The following KHK variants were observed in gnomAD, a reference collection of about 807,000 sequenced individuals.
KHK encodes the protein fructokinase.
A neutral mutation model predicts 36.0 loss-of-function variants in KHK; 37 were observed. The ratio of observed to expected loss-of-function variants is 1.03; its 90% CI spans 0.79 to 1.35. KHK has a LOEUF of 1.35. Among genes scored for constraint, KHK ranks in the 40% most tolerant of loss-of-function variants. KHK has a pLI of 0.00. For synonymous variants in KHK, 161 were observed against 162.8 expected, an observed-to-expected ratio of 0.99 and a Z score of 0.08; for missense variants, 395 against 391.9, an observed-to-expected ratio of 1.01 and a Z score of -0.07.
rs1670185444 is a variant in KHK at position 27,094,254 on chromosome 2, A to G, written c.210-546A>G. On this transcript the variant is annotated intron_variant, in intron 2 of 7. Coordinates refer to ENST00000260598, the MANE Select transcript of KHK (RefSeq NM_006488.3). Reference sequence around the variant, plus strand: ...GGAGCATGCTTCAGCCAAGACCTAAAAGGATGGCCCTTAGTGTTTCTCTCT... The same window carrying G: ...GGAGCATGCTTCAGCCAAGACCTAAGAGGATGGCCCTTAGTGTTTCTCTCT... 6.6e-6 allele frequency: 4 copies of G among 610,254 alleles called. No homozygotes were observed. In the Admixed American group the frequency reaches 7.4e-5, roughly 11 times the overall value. 37.8% of individuals were successfully genotyped at this position (610,254 alleles called of 1,614,324 possible).
chr2:27,091,669 C>G lies in KHK; in HGVS notation c.93-663C>G, dbSNP rs141798665. 3.5e-3 allele frequency among the ~76,000 whole-genome samples: 534 copies of G among 152,274 alleles called. 1 individual carries two copies. Among genetic ancestry groups the G allele is most frequent in the Middle Eastern group, 0.024 (7 of 294 alleles). On this transcript the variant is annotated intron_variant, in intron 1 of 7. Transcript: ENST00000260598. Reference sequence around the variant, plus strand: ...CTGTGAGGGGATCAGTGCGTTGACCCTCTATGTGGAAGTTATCATTTTTGC... The same window carrying G: ...CTGTGAGGGGATCAGTGCGTTGACCGTCTATGTGGAAGTTATCATTTTTGC...
chr2:27,097,879 A>G (rs1477879787), intron 5 of KHK, among the ~76,000 whole-genome samples: 1 of 152,196 alleles, frequency 6.6e-6, no homozygotes, highest in African/African-American at 2.4e-5. Context: ...AGGTGGGTGC[A>G]TAGGTGTAAG....
At chr2:27,096,967 GC>G (rs1355770517) in intron 4 of KHK, among the ~76,000 whole-genome samples, 166 bp downstream of exon 4, 12 of 152,180 alleles carry the variant, frequency 7.9e-5, no homozygotes, top group African/African-American at 2.9e-4. Context: ...GAAAACTAAG[GC>G]CCAGAAAGAT....
chr2:27,089,609 G>A lies in KHK; in HGVS notation c.92+2258G>A, dbSNP rs1433449172. ...ACTGAGCGAGGCACTTCTCTAAAGGGCCCCTTCCCATGTCCATCATGCTTC... is the reference window on the plus strand; with the variant it reads ...ACTGAGCGAGGCACTTCTCTAAAGGACCCCTTCCCATGTCCATCATGCTTC... On this transcript the variant is annotated intron_variant, in intron 1 of 7. Coordinates refer to ENST00000260598, the MANE Select transcript of KHK (RefSeq NM_006488.3). 2.0e-5 allele frequency among the ~76,000 whole-genome samples: 3 copies of A among 152,186 alleles called. No homozygotes were observed. In the East Asian group the frequency reaches 5.8e-4, roughly 29 times the overall value.
At chr2:27,093,782 CT>C (rs1670150935) in intron 2 of KHK, among the ~76,000 whole-genome samples, 1 of 152,198 alleles carries the variant, frequency 6.6e-6, no homozygotes, top group Admixed American at 6.5e-5. Context: ...GTCCTTGCCC[CT>C]GGGCTCACTC....
At chr2:27,097,979 T>G (rs1670494406) in intron 5 of KHK, among the ~76,000 whole-genome samples, 1 of 152,160 alleles carries the variant, frequency 6.6e-6, no homozygotes, top group Non-Finnish European at 1.5e-5. Flanking sequence ...AGTCTTTTCC[T>G]CTGCAGAATG....
At chr2:27,090,786 G>C (rs1558442192) in intron 1 of KHK, among the ~76,000 whole-genome samples, 3 of 151,802 alleles carry the variant, frequency 2.0e-5, no homozygotes, top group Non-Finnish European at 4.4e-5. Flanking sequence ...GGGTGCAGTG[G>C]CTCATACCTA....
intron 3 of KHK, 51 bp from the exon 4 acceptor site, chr2:27,096,678 C>T: frequency 1.4e-6 from 2 of 1,463,534 alleles, no homozygotes; most frequent in Non-Finnish European, 1.9e-6. Context: ...CCTGGCTCTG[C>T]CTGACCCCAT....
rs1390326948 is a variant in KHK, at chr2:27,100,691, T to G, written c.*941T>G. On this transcript the variant is annotated 3_prime_UTR_variant, in exon 8 of 8. Coordinates refer to ENST00000260598, the MANE Select transcript of KHK (RefSeq NM_006488.3). ...TTCTTCATCTGTCAAATGGAACCAATTCTGCTTGGCTACAGAATTATTGTG... is the reference window on the plus strand; with the variant it reads ...TTCTTCATCTGTCAAATGGAACCAAGTCTGCTTGGCTACAGAATTATTGTG... 1.5e-5 allele frequency: 17 copies of G among 1,100,090 alleles called. No individual in the cohort carries two copies. Among genetic ancestry groups the G allele is most frequent in the Non-Finnish European group, 2.0e-5 (17 of 857,172 alleles). The allele number at this position is 1,100,090 out of a possible 1,614,324, so 68.1% of individuals were successfully genotyped here.
At position 27,100,759 on chromosome 2, in the gene KHK, T is replaced by G. The variant is rs78413769; in HGVS notation, c.*1009T>G. 2,390 of 1,124,060 alleles carry G rather than the reference T, an allele frequency of 2.1e-3. 44 individuals are homozygous for G. The African/African-American group carries it at 0.035, about 17-fold the overall frequency. 69.6% of individuals were successfully genotyped at this position (1,124,060 alleles called of 1,614,324 possible). On this transcript the variant is annotated 3_prime_UTR_variant, in exon 8 of 8. Transcript: ENST00000260598. ...AAAATGCCCAGCATGATGCCTGATG[T>G]GTACAAGGCTCTCAAAAAGTTCTAG...
At chr2:27,087,742 T>C (rs1669748358) in intron 1 of KHK, among the ~76,000 whole-genome samples, 1 of 152,354 alleles carries the variant, frequency 6.6e-6, no homozygotes, top group East Asian at 1.9e-4. Context: ...CACTTGCCTC[T>C]CATCAACATT....
intron 3 of KHK, 127 bp from the exon 4 acceptor site, chr2:27,096,602 T>C (rs1670368147): frequency 1.0e-5 from 8 of 789,658 alleles, no homozygotes; most frequent in Admixed American, 7.2e-5. Flanking sequence ...TCCTGTGCTG[T>C]GGATCCAGCT....
chr2:27,094,390 A>C (rs942525743), intron 2 of KHK: 57 of 1,535,364 alleles, frequency 3.7e-5, no homozygotes, highest in Non-Finnish European at 4.8e-5. Context: ...CCTGCCTTTC[A>C]GGGTCCCTAG....
At position 27,099,207 on chromosome 2, in the gene KHK, C is replaced by CAAAG; in HGVS notation, c.578_581dup (p.Asp194GlufsTer35). On this transcript the variant is annotated frameshift_variant, in exon 6 of 8. Coordinates refer to ENST00000260598, the MANE Select transcript of KHK (RefSeq NM_006488.3). LOFTEE classifies it high-confidence loss of function. Reference sequence around the variant, plus strand: ...TCCACTGCCCACAGGTGTTTGTCAGCAAAGATGTGGCCAAGCACTTGGGGT... The same window carrying CAAAG: ...TCCACTGCCCACAGGTGTTTGTCAGCAAAGAAAGATGTGGCCAAGCACTTGGGGT... 1 of 1,614,092 alleles carries CAAAG rather than the reference C, an allele frequency of 6.2e-7. No individual in the cohort carries two copies. The highest frequency in any genetic ancestry group is 8.5e-7 in the Non-Finnish European group (1 of 1,180,010).
chr2:27,097,746 G>C, intron 5 of KHK, 97 bp downstream of exon 5: 1 of 1,543,030 alleles, frequency 6.5e-7, no homozygotes, highest in Non-Finnish European at 8.9e-7. Context: ...AATTGGAATA[G>C]TGGTTCCTGG....
intron 1 of KHK, among the ~76,000 whole-genome samples, chr2:27,090,137 C>T (rs2148334626): frequency 6.6e-6 from 1 of 152,350 alleles, no homozygotes; most frequent in Admixed American, 6.5e-5. Context: ...CAGGCGTGAG[C>T]CACCGCGCCC....
At chr2:27,095,273 C>T (rs755169385) in intron 3 of KHK, among the ~76,000 whole-genome samples, 10 of 152,186 alleles carry the variant, frequency 6.6e-5, no homozygotes, top group Non-Finnish European at 1.2e-4. Context: ...AAACTGTTCT[C>T]AGGACAGAAG....
At chr2:27,095,923 AGAGGAGCTCT>A in intron 3 of KHK, among the ~76,000 whole-genome samples, 1 of 152,342 alleles carries the variant, frequency 6.6e-6, no homozygotes. Flanking sequence ...TATTTACAGG[AGAGGAGCTCT>A]GAGGAGAAAT....
chr2:27,100,687 C>T lies in KHK; in HGVS notation c.*937C>T, dbSNP rs1351625204. ...CAATTTCTTCATCTGTCAAATGGAA[C>T]CAATTCTGCTTGGCTACAGAATTAT... is the stretch of plus-strand genomic sequence containing the variant. On this transcript the variant is annotated 3_prime_UTR_variant, in exon 8 of 8. Coordinates refer to ENST00000260598, the MANE Select transcript of KHK (RefSeq NM_006488.3). 2 of 1,087,332 alleles carry T rather than the reference C, an allele frequency of 1.8e-6. No individual in the cohort carries two copies. The highest frequency in any genetic ancestry group is 1.2e-6 in the Non-Finnish European group (1 of 845,226). The allele number at this position is 1,087,332 out of a possible 1,614,324, so 67.4% of individuals were successfully genotyped here. A position where few individuals can be genotyped will look rare whatever the true frequency, so the allele number is the denominator to read the frequency against.
Sources: allele counts gnomAD v4.1 joint callset (sites outside exome capture counted in the v4.1 genomes callset), GRCh38; gene constraint gnomAD v4.1.1; transcripts MANE v1.5; gene names NCBI Gene and HGNC (gene_info 2026-07-23, HGNC 2026-07-21).